Variants in RGS5 observed in about 807,000 individuals in gnomAD.
RGS5 encodes the protein regulator of G-protein signalling 5.
RGS5 carries 20 observed loss-of-function variants against 18.9 expected under a neutral mutation model. The observed-to-expected ratio is 1.06, with a 90% CI of 0.74 to 1.54. The LOEUF (loss-of-function observed/expected upper bound fraction) is 1.54. RGS5 is among the 40% of genes most tolerant of loss of function. The pLI is 0.00. For missense variants in RGS5, 201 were observed against 211.8 expected, an observed-to-expected ratio of 0.95 and a Z score of 0.32; for synonymous variants, 57 against 76.2, an observed-to-expected ratio of 0.75 and a Z score of 1.31.
intron 2 of RGS5, among the ~76,000 whole-genome samples, chr1:163,240,708 A>T (rs1168111164): frequency 1.3e-5 from 2 of 152,050 alleles, no homozygotes; most frequent in African/African-American, 2.4e-5. Context: ...GTTGAGACAG[A>T]GTCTTGCTAT....
intron 1 of RGS5, among the ~76,000 whole-genome samples, chr1:163,314,092 G>A (rs533400076): frequency 9.2e-5 from 14 of 151,912 alleles, no homozygotes; most frequent in Admixed American, 5.9e-4. Flanking sequence ...AATTAAATGA[G>A]GTAATACATG....
chr1:163,270,650 C>T (rs1648696441), intron 2 of RGS5, among the ~76,000 whole-genome samples: 1 of 152,130 alleles, frequency 6.6e-6, no homozygotes, highest in Non-Finnish European at 1.5e-5. Context: ...AATAAAACTA[C>T]TGACAATCCA....
intron 4 of RGS5, among the ~76,000 whole-genome samples, chr1:163,150,610 T>G (rs1340718431): frequency 6.6e-6 from 1 of 151,870 alleles, no homozygotes; most frequent in Admixed American, 6.6e-5. Flanking sequence ...AGGGTGGAGG[T>G]TGAGGAGAAG....
At chr1:163,296,884 T>C (rs922626403) in intron 2 of RGS5, among the ~76,000 whole-genome samples, 2 of 152,144 alleles carry the variant, frequency 1.3e-5, no homozygotes, top group Non-Finnish European at 2.9e-5. Flanking sequence ...AGACACAGGA[T>C]TGGCCCTAAA....
intron 1 of RGS5, among the ~76,000 whole-genome samples, chr1:163,171,906 A>G (rs1482089979): frequency 6.6e-6 from 1 of 152,182 alleles, no homozygotes; most frequent in African/African-American, 2.4e-5. Flanking sequence ...GACTGTCCAG[A>G]AAGCAGCAGA....
At chr1:163,295,528 G>A (rs1649400451) in intron 2 of RGS5, among the ~76,000 whole-genome samples, 2 of 152,096 alleles carry the variant, frequency 1.3e-5, no homozygotes, top group Admixed American at 6.5e-5. Flanking sequence ...TAACAAGGTG[G>A]CTGATTTTAA....
upstream of RGS5, chr1:163,217,692 C>G (rs1660248455): frequency 1.4e-6 from 2 of 1,425,164 alleles, no homozygotes; most frequent in South Asian, 3.1e-5. Context: ...GAGAGAAGAG[C>G]AGAGAACTTG....
intron 1 of RGS5, among the ~76,000 whole-genome samples, chr1:163,190,490 T>C (rs1160361064): frequency 6.6e-6 from 1 of 152,186 alleles, no homozygotes; most frequent in East Asian, 1.9e-4. Context: ...AAGATCATAC[T>C]ACCTGGAGAA....
At chr1:163,191,050 T>C (rs542796947) in intron 1 of RGS5, among the ~76,000 whole-genome samples, 2 of 152,094 alleles carry the variant, frequency 1.3e-5, no homozygotes, top group South Asian at 4.2e-4. Flanking sequence ...ATGAAATGAG[T>C]GGACATGGGA....
chr1:163,201,569 T>A (rs1454025123), intron 1 of RGS5, among the ~76,000 whole-genome samples: 2 of 151,668 alleles, frequency 1.3e-5, no homozygotes, highest in African/African-American at 4.9e-5. Context: ...TATTTCTTAC[T>A]ATGGATCATA....
At chr1:163,301,147 T>C (rs1179589111) in intron 2 of RGS5, among the ~76,000 whole-genome samples, 1 of 152,106 alleles carries the variant, frequency 6.6e-6, no homozygotes, top group Non-Finnish European at 1.5e-5. Flanking sequence ...ATTTCAGCAA[T>C]GGTGGTTATT....
At position 163,144,215 on chromosome 1, in the gene RGS5, G is replaced by A. The variant is rs921034028; in HGVS notation, c.*3127C>T. ...TGTCTACCTGAAAGAAACAAAAAGT[G>A]TGTGTGTGTATGTGTGGCGGGGAAG... On this transcript the variant is annotated 3_prime_UTR_variant, in exon 5 of 5. Coordinates refer to ENST00000313961, the MANE Select transcript of RGS5 (RefSeq NM_003617.4). The A allele has an allele frequency of 2.0e-5, 3 of 152,116 alleles. No homozygotes were observed. Among genetic ancestry groups the A allele is most frequent in the South Asian group, 2.1e-4 (1 of 4,828 alleles). The allele number at this position is 152,116 out of a possible 1,614,324, so 9.4% of individuals were successfully genotyped here. A position where few individuals can be genotyped will look rare whatever the true frequency, so the allele number is the denominator to read the frequency against.
At chr1:163,179,462 C>T (rs899987902) in intron 1 of RGS5, among the ~76,000 whole-genome samples, 3 of 152,000 alleles carry the variant, frequency 2.0e-5, no homozygotes, top group African/African-American at 7.2e-5. Flanking sequence ...AAGTCCTGTG[C>T]CAATGAAGGA....
At chr1:163,277,261 T>A (rs1648880565) in intron 2 of RGS5, among the ~76,000 whole-genome samples, 1 of 152,186 alleles carries the variant, frequency 6.6e-6, no homozygotes, top group African/African-American at 2.4e-5. Context: ...AGAAAACCAA[T>A]GTACATTTTA....
chr1:163,278,148 C>A (rs1451931236), intron 2 of RGS5, among the ~76,000 whole-genome samples: 2 of 151,784 alleles, frequency 1.3e-5, no homozygotes, highest in Non-Finnish European at 2.9e-5. Flanking sequence ...TATAGACATC[C>A]AGATACAGGA....
rs544861098 is a variant in RGS5 at position 163,285,039 on chromosome 1, A to G, written c.-281+21194T>C. On this transcript the variant is annotated intron_variant, in intron 2 of 5. Transcript: ENST00000618415. ...AGTGAAAGGGGAAACCCCTTATAAAACCACCAGATCTCATGAGACTTACTC... is the reference window on the plus strand; with the variant it reads ...AGTGAAAGGGGAAACCCCTTATAAAGCCACCAGATCTCATGAGACTTACTC... Among the ~76,000 whole-genome samples the G allele has an allele frequency of 4.8e-4, 73 of 152,174 alleles. 1 individual carries two copies. Among genetic ancestry groups the G allele is most frequent in the Non-Finnish European group, 6.9e-4 (47 of 68,014 alleles).
intron 2 of RGS5, among the ~76,000 whole-genome samples, chr1:163,243,112 T>C (rs1647832342): frequency 6.6e-6 from 1 of 152,106 alleles, no homozygotes; most frequent in Non-Finnish European, 1.5e-5. Context: ...TATGTAGCCA[T>C]AAAAATGAAT....
intron 2 of RGS5, among the ~76,000 whole-genome samples, chr1:163,288,638 A>G (rs1041684227): frequency 2.0e-5 from 3 of 152,124 alleles, no homozygotes; most frequent in East Asian, 1.9e-4. Flanking sequence ...AGCAGGGTCA[A>G]TAGTCTTCAT....
chr1:163,192,145 T>C (rs925107810), intron 1 of RGS5, among the ~76,000 whole-genome samples: 3 of 152,186 alleles, frequency 2.0e-5, no homozygotes, highest in African/African-American at 7.2e-5. Flanking sequence ...AAAAATGTTT[T>C]CCCGTGTCTT....
Sources: gnomAD v4.1 joint callset for allele counts (sites outside exome capture counted in the v4.1 genomes callset) on GRCh38, gnomAD v4.1.1 for gene constraint, MANE v1.5 for transcripts, NCBI Gene and HGNC (gene_info 2026-07-23, HGNC 2026-07-21) for gene names.